EIF3M: variants seen among roughly 807,000 people sequenced by gnomAD.
The protein encoded by EIF3M is eukaryotic translation initiation factor 3 subunit M, also known as B5 receptor.
Under a neutral mutation model 49.7 loss-of-function variants are expected in EIF3M, and 25 were observed. That is an observed-to-expected ratio of 0.50 (90% CI 0.37 to 0.70). EIF3M has a LOEUF of 0.70. Among genes scored for constraint, EIF3M ranks in the 30% least tolerant of loss-of-function variants. EIF3M has a pLI of 0.00. For synonymous variants in EIF3M, 156 were observed against 149.8 expected (o/e 1.04, Z -0.30); for missense variants, 350 against 440.0 (o/e 0.80, Z 1.83).
chr11:32,601,052 G>A (rs78294936), intron 9 of EIF3M: 32,909 of 401,854 alleles, frequency 0.082, 1,569 homozygotes, highest in Middle Eastern at 0.095. Flanking sequence ...GAACAAAGAC[G>A]TTTAGGCAAT....
intron 3 of EIF3M, 133 bp downstream of exon 3, chr11:32,588,865 G>C (rs975455352): frequency 7.0e-5 from 108 of 1,541,168 alleles, no homozygotes; most frequent in Non-Finnish European, 8.3e-5. Context: ...CCTTGGGCAA[G>C]TGGCTTGACC....
intron 1 of EIF3M, among the ~76,000 whole-genome samples, chr11:32,584,607 C>CAAAAAAAAA (rs796738414): frequency 0.091 from 5,657 of 62,156 alleles, 858 homozygotes; most frequent in Non-Finnish European, 0.11. Context: ...GAGTCCCTCT[C>CAAAAAAAAA]AAAAAAAAAA....
intron 8 of EIF3M, among the ~76,000 whole-genome samples, chr11:32,597,506 T>G (rs1855198987): frequency 6.6e-6 from 1 of 152,262 alleles, no homozygotes; most frequent in Non-Finnish European, 1.5e-5. Flanking sequence ...TAGTCTTTAT[T>G]ATTTTTATCT....
At chr11:32,585,817 G>T (rs539152825) in intron 1 of EIF3M, among the ~76,000 whole-genome samples, 2 of 147,752 alleles carry the variant, frequency 1.4e-5, no homozygotes, top group South Asian at 4.4e-4. Flanking sequence ...TATACTTGGG[G>T]GTTTAAAAAT....
intron 9 of EIF3M, chr11:32,601,535 T>G (rs1217061303): frequency 1.2e-5 from 4 of 335,276 alleles, no homozygotes; most frequent in Non-Finnish European, 2.1e-5. Context: ...AGCAAAAAAC[T>G]GTATGCAGTA....
Position 32,596,055 on chromosome 11 carries a change from T to C in EIF3M, c.799+8T>C, listed in dbSNP as rs771733365. 1 of 1,544,368 alleles carries C rather than the reference T, an allele frequency of 6.5e-7. No individual in the cohort carries two copies. The highest frequency in any genetic ancestry group is 8.7e-7 in the Non-Finnish European group (1 of 1,155,278). On this transcript the variant is annotated splice_region_variant and intron_variant, in intron 8 of 10. Coordinates refer to ENST00000531120, the MANE Select transcript of EIF3M (RefSeq NM_006360.6). ...ACTTCATTGATTCACTTGGTAAGTT[T>C]TGGGGTTTATTCTTTGAGGCACAGA... is the stretch of plus-strand genomic sequence containing the variant.
intron 2 of EIF3M, 112 bp downstream of exon 2, chr11:32,587,256 A>C (rs1371577182): frequency 9.3e-6 from 10 of 1,070,704 alleles, no homozygotes; most frequent in Admixed American, 2.7e-5. Flanking sequence ...GAACCCTCAG[A>C]TACAGAAGGC....
intron 8 of EIF3M, among the ~76,000 whole-genome samples, chr11:32,598,093 T>A (rs568125201): frequency 6.6e-6 from 1 of 152,312 alleles, no homozygotes; most frequent in Admixed American, 6.5e-5. Context: ...TAATTTGTTT[T>A]GTGGCATGAA....
chr11:32,592,659 G>T, intron 5 of EIF3M: 3 of 504,842 alleles, frequency 5.9e-6, no homozygotes, highest in Non-Finnish European at 7.7e-6. Flanking sequence ...ACCTGTGAGT[G>T]TGCTCCATTT....
chr11:32,588,475 T>C (rs1855038875), intron 2 of EIF3M, 119 bp from the exon 3 acceptor site: 1 of 1,171,384 alleles, frequency 8.5e-7, no homozygotes, highest in South Asian at 2.4e-5. Context: ...GCTTTCTGAA[T>C]GCGAAAGTGT....
chr11:32,591,224 A>G (rs1272706358), intron 5 of EIF3M, among the ~76,000 whole-genome samples: 1 of 152,198 alleles, frequency 6.6e-6, no homozygotes, highest in Non-Finnish European at 1.5e-5. Flanking sequence ...CTTCAAGTGG[A>G]TTAAAAAGAT....
rs748984489 is a variant in EIF3M at position 32,593,991 on chromosome 11, T to C, written c.617+42T>C. On this transcript the variant is annotated intron_variant, in intron 6 of 10. Transcript: ENST00000531120. Reference sequence around the variant, plus strand: ...CTCTGATGAGGGTTTGACAGCGATGTAGAGGTAAGCTACAATATTAAATTA... The same window carrying C: ...CTCTGATGAGGGTTTGACAGCGATGCAGAGGTAAGCTACAATATTAAATTA... 3.0e-6 allele frequency: 4 copies of C among 1,317,830 alleles called. No homozygotes were observed. In the African/African-American group the frequency reaches 6.0e-5, roughly 20 times the overall value. The allele number at this position is 1,317,830 out of a possible 1,614,324, so 81.6% of individuals were successfully genotyped here.
Position 32,605,305 on chromosome 11 carries a change from C to T in EIF3M, c.*2906C>T, listed in dbSNP as rs1855334995. On this transcript the variant is annotated 3_prime_UTR_variant, in exon 11 of 11. Coordinates refer to ENST00000531120, the MANE Select transcript of EIF3M (RefSeq NM_006360.6). ...CCACTGGTCCCCTCAGAGAGTTTTA[C>T]CTCTGATCTTTGGGGTGATTCTTTG... 6.6e-6 allele frequency: 1 copy of T among 151,854 alleles called. No individual in the cohort carries two copies. The highest frequency in any genetic ancestry group is 2.4e-5 in the African/African-American group (1 of 41,308). The allele number at this position is 151,854 out of a possible 1,614,324, so 9.4% of individuals were successfully genotyped here. A position where few individuals can be genotyped will look rare whatever the true frequency, so the allele number is the denominator to read the frequency against.
At chr11:32,583,959 G>C (rs200279770) in intron 1 of EIF3M, 30 bp downstream of exon 1, 1 of 1,611,878 alleles carries the variant, frequency 6.2e-7, no homozygotes, top group Non-Finnish European at 8.5e-7. Flanking sequence ...TGCCGCCACG[G>C]TGGGGTGGGG....
At chr11:32,588,861 G>A in intron 3 of EIF3M, 129 bp downstream of exon 3, 1 of 1,542,474 alleles carries the variant, frequency 6.5e-7, no homozygotes. Context: ...GTGACCTTGG[G>A]CAAGTGGCTT....
In EIF3M at chr11:32,595,975, AT is replaced by A; in HGVS notation, c.732del (p.Phe244LeufsTer2). On this transcript the variant is annotated frameshift_variant, in exon 8 of 11. Transcript: ENST00000531120. LOFTEE classifies it high-confidence loss of function. ...TCTCTTATCTGTATAGCTTTTAACCATTTTTGTGAGTGCTAAATTGGCATCA... is the reference window on the plus strand; with the variant it reads ...TCTCTTATCTGTATAGCTTTTAACCATTTTGTGAGTGCTAAATTGGCATCA... The part of the protein sequence containing the change: ...EGELIHDLLT[I>X]FVSAKLASYV... 1 of 1,576,178 alleles carries A rather than the reference AT, an allele frequency of 6.3e-7. No individual in the cohort carries two copies. Among genetic ancestry groups the A allele is most frequent in the Admixed American group, 2.0e-5 (1 of 48,858 alleles).
intron 8 of EIF3M, among the ~76,000 whole-genome samples, chr11:32,600,478 C>A (rs909835116): frequency 6.6e-6 from 1 of 151,828 alleles, no homozygotes; most frequent in Non-Finnish European, 1.5e-5. Context: ...ACCTATGGTA[C>A]TATAGAAAAA....
Position 32,602,979 on chromosome 11 carries a change from A to G in EIF3M, c.*580A>G, listed in dbSNP as rs374968214. On this transcript the variant is annotated 3_prime_UTR_variant, in exon 11 of 11. Coordinates refer to ENST00000531120, the MANE Select transcript of EIF3M (RefSeq NM_006360.6). Reference sequence around the variant, plus strand: ...TTTTAGTCGTCTTGATTGCCTGCAAATGGCTTTGTAGTGGAGTTGATATCA... The same window carrying G: ...TTTTAGTCGTCTTGATTGCCTGCAAGTGGCTTTGTAGTGGAGTTGATATCA... 1.1e-5 allele frequency: 18 copies of G among 1,613,168 alleles called. No individual in the cohort carries two copies. Among genetic ancestry groups the G allele is most frequent in the East Asian group, 4.5e-5 (2 of 44,844 alleles).
chr11:32,586,258 A>C (rs1854996115), intron 1 of EIF3M, among the ~76,000 whole-genome samples: 1 of 152,066 alleles, frequency 6.6e-6, no homozygotes, highest in Admixed American at 6.5e-5. Flanking sequence ...CAAAACAAAA[A>C]AAAACTGCGT....
Sources: allele counts gnomAD v4.1 joint callset (sites outside exome capture counted in the v4.1 genomes callset), GRCh38; gene constraint gnomAD v4.1.1; transcripts MANE v1.5; gene names NCBI Gene and HGNC (gene_info 2026-07-23, HGNC 2026-07-21).